PLEC: variants seen among roughly 807,000 people sequenced by gnomAD.
The protein encoded by PLEC is plectin, also known as hemidesmosomal protein 1.
A neutral mutation model predicts 392.8 loss-of-function variants in PLEC; 216 were observed. That is an observed-to-expected ratio of 0.55 (90% CI 0.49 to 0.62). The LOEUF is 0.62. PLEC is among the 20% of genes least tolerant of loss of function. The pLI is 0.00. For synonymous variants in PLEC, 3,621 were observed against 2,980.6 expected, an observed-to-expected ratio of 1.21 and a Z score of -7.00; for missense variants, 6,863 against 6,563.4, an observed-to-expected ratio of 1.05 and a Z score of -1.58.
At chr8:143,972,447 C>T (rs1355219958) in intron 1 of PLEC, among the ~76,000 whole-genome samples, 4 of 152,192 alleles carry the variant, frequency 2.6e-5, no homozygotes, top group South Asian at 2.1e-4. Context: ...GAGATGAGTT[C>T]GGGGCACCAT....
chr8:143,962,895 G>A (rs1397396762), intron 1 of PLEC, among the ~76,000 whole-genome samples: 1 of 152,206 alleles, frequency 6.6e-6, no homozygotes, highest in African/African-American at 2.4e-5. Context: ...AACAGCATGG[G>A]TGATTTGGGA....
chr8:143,925,814 T>A lies in PLEC; in HGVS notation c.4115A>T (p.Gln1372Leu). ...GGCGTGCGCCTCGGCCAGCTGCCGC[T>A]GCTTCTCCAGCGCGGCCTCCACCTC... ...LAEVEAALEK[Q>L]RQLAEAHAQA... The change falls in exon 31 of 32, where the codon CAG becomes CTG. Residue 1372 changes from glutamine to leucine, a missense_variant. Transcript: ENST00000345136. 6.4e-7 allele frequency: 1 copy of A among 1,566,454 alleles called. No individual in the cohort carries two copies. The highest frequency in any genetic ancestry group is 1.1e-5 in the South Asian group (1 of 87,342).
At chr8:143,970,909 C>T (rs1352515416) in intron 1 of PLEC, among the ~76,000 whole-genome samples, 4 of 152,224 alleles carry the variant, frequency 2.6e-5, no homozygotes, top group Non-Finnish European at 5.9e-5. Flanking sequence ...GCCCTCAGCA[C>T]GGAGGCCTCT....
chr8:143,918,218 T>C lies in PLEC; in HGVS notation c.11603A>G (p.Asp3868Gly). 6.4e-7 allele frequency: 1 copy of C among 1,572,578 alleles called. No homozygotes were observed. Among genetic ancestry groups the C allele is most frequent in the South Asian group, 1.1e-5 (1 of 88,398 alleles). ...TGGCAGGAGCAGCTGGCCGGTGCCG[T>C]CGTCACGACGGCACCGCCTGAGCAG... is the stretch of plus-strand genomic sequence containing the variant. ...TQLLRRCRRD[D>G]GTGQLLLPLS... Residue 3868 changes from aspartate (D) to glycine (G), a missense_variant, in exon 32 of 32, where the codon GAC becomes GGC. Asp to Gly is a moderately conservative substitution (Grantham distance 94, BLOSUM62 -1). Transcript: ENST00000345136.
chr8:143,958,568 GT>G (rs1832716088), upstream of PLEC: 1 of 408,982 alleles, frequency 2.4e-6, no homozygotes, highest in Non-Finnish European at 5.1e-6. The surrounding 1 kb of genome is among the most constrained non-coding windows in gnomAD (Gnocchi z 4.9). Context: ...CTCAAAGACA[GT>G]GGTAGCCTCC....
At chr8:143,949,527 G>A (rs1453121719) in intron 1 of PLEC, among the ~76,000 whole-genome samples, 3 of 152,142 alleles carry the variant, frequency 2.0e-5, no homozygotes, top group East Asian at 1.9e-4. Flanking sequence ...GACCTGGTTC[G>A]TACCGGGAAA....
rs782674838 is a variant in PLEC at position 143,934,015 on chromosome 8, C to A, written c.1246G>T (p.Asp416Tyr). The change falls in exon 12 of 32, where the codon GAC (aspartate) becomes TAC (tyrosine). Residue 416 changes from aspartate (D) to tyrosine (Y), a missense_variant. Coordinates refer to ENST00000345136, the MANE Select transcript of PLEC (RefSeq NM_201384.3). ...GLCEEQLNQADALLQSDVRLL... is the reference protein window; with the variant it reads ...GLCEEQLNQAYALLQSDVRLL... Reference sequence around the variant, plus strand: ...CCCCTCACCGACTGCAGCAGGGCGTCGGCCTGGTTCAGCTGCTCCTCACAC... The same window carrying A: ...CCCCTCACCGACTGCAGCAGGGCGTAGGCCTGGTTCAGCTGCTCCTCACAC... The A allele has an allele frequency of 8.1e-6, 13 of 1,610,614 alleles. No homozygotes were observed. Among genetic ancestry groups the A allele is most frequent in the Non-Finnish European group, 1.0e-5 (12 of 1,179,064 alleles).
chr8:143,931,023 C>T (rs1177575178), intron 19 of PLEC, among the ~76,000 whole-genome samples: 1 of 152,212 alleles, frequency 6.6e-6, no homozygotes, highest in South Asian at 2.1e-4. Flanking sequence ...TGATCCCACC[C>T]CTGCTCCCAG....
In PLEC at chr8:143,927,224, G is replaced by A. The variant is rs544105765; in HGVS notation, c.3840+28C>T. 6 of 1,606,644 alleles carry A rather than the reference G, an allele frequency of 3.7e-6. No homozygotes were observed. The South Asian group carries it at 6.6e-5, about 18-fold the overall frequency. On this transcript the variant is annotated intron_variant, in intron 28 of 31. Coordinates refer to ENST00000345136, the MANE Select transcript of PLEC (RefSeq NM_201384.3). ...CATCCTGGCAACGGTCCCGGACTTGGGGCCTGGTGCAGGCGGCTGGGCCTC... is the reference window on the plus strand; with the variant it reads ...CATCCTGGCAACGGTCCCGGACTTGAGGCCTGGTGCAGGCGGCTGGGCCTC...
rs782300624 is a variant in PLEC at position 143,939,385 on chromosome 8, T to C, written c.77A>G (p.Tyr26Cys). 69 of 1,612,602 alleles carry C rather than the reference T, an allele frequency of 4.3e-5. No homozygotes were observed. Among genetic ancestry groups the C allele is most frequent in the Non-Finnish European group, 5.8e-5 (68 of 1,179,778 alleles). Residue 26 changes from tyrosine to cysteine, a missense_variant, in exon 1 of 32, where the codon TAC (tyrosine) becomes TGC (cysteine). Transcript: ENST00000345136. ...RKRTSSEDNL[Y>C]LAVLRASEGK... ...CTCAGAGGCCCTGAGCACAGCCAGG[T>C]ACAGGTTGTCCTCCGAGCTGGTTCT... is the stretch of plus-strand genomic sequence containing the variant.
Position 143,935,089 on chromosome 8 carries a change from C to T in PLEC, c.747G>A (p.Lys249=), listed in dbSNP as rs2132076856. The part of the protein sequence containing the change: ...EDVDVPQPDE[K]SIITYVSSLY... Reference sequence around the variant, plus strand: ...GCGACGAGACGTAGGTGATGATGGACTTCTCGTCGGGCTGAGGGACATCCA... The same window carrying T: ...GCGACGAGACGTAGGTGATGATGGATTTCTCGTCGGGCTGAGGGACATCCA... Residue 249 remains lysine, a synonymous_variant, in exon 8 of 32, where the codon AAG becomes AAA. Coordinates refer to ENST00000345136, the MANE Select transcript of PLEC (RefSeq NM_201384.3). 1 of 1,612,978 alleles carries T rather than the reference C, an allele frequency of 6.2e-7. No homozygotes were observed.
At chr8:143,960,589 C>T (rs1449239046) in intron 1 of PLEC, among the ~76,000 whole-genome samples, 1 of 152,028 alleles carries the variant, frequency 6.6e-6, no homozygotes, top group Non-Finnish European at 1.5e-5. Flanking sequence ...TGCACTCCAG[C>T]CTGGGTGATA....
At chr8:143,948,214 C>T (rs1187999215) in intron 1 of PLEC, among the ~76,000 whole-genome samples, 2 of 152,226 alleles carry the variant, frequency 1.3e-5, no homozygotes, top group Non-Finnish European at 2.9e-5. Context: ...GCTCCCTAGC[C>T]AGGGCTGGGT....
chr8:143,965,718 A>G (rs1833054254), intron 1 of PLEC, among the ~76,000 whole-genome samples: 1 of 152,104 alleles, frequency 6.6e-6, no homozygotes, highest in Non-Finnish European at 1.5e-5. Context: ...ACACCCTCCC[A>G]ACAGCCCAAC....
chr8:143,968,792 A>G (rs1833256151), intron 1 of PLEC, among the ~76,000 whole-genome samples: 1 of 152,226 alleles, frequency 6.6e-6, no homozygotes, highest in Non-Finnish European at 1.5e-5. Flanking sequence ...TCAAACCACA[A>G]TGAGATTCCA....
chr8:143,962,536 A>G (rs904206331), intron 1 of PLEC, among the ~76,000 whole-genome samples: 5 of 152,204 alleles, frequency 3.3e-5, no homozygotes, highest in African/African-American at 4.8e-5. Flanking sequence ...TGGCTTTGCA[A>G]TTGGGTAATA....
At chr8:143,926,150 G>A (rs1471873981) in intron 30 of PLEC, among the ~76,000 whole-genome samples, 2 of 152,218 alleles carry the variant, frequency 1.3e-5, no homozygotes, top group Non-Finnish European at 2.9e-5. Context: ...GGAGACAGAC[G>A]GACGGGGAGA....
At chr8:143,950,439 G>T in exon 1 of PLEC, 1 of 1,602,122 alleles carries the variant, frequency 6.2e-7, no homozygotes, top group Non-Finnish European at 8.5e-7. Context: ...ACGATCTCTG[G>T]CGGCAGGTGC....
At position 143,921,039 on chromosome 8, in the gene PLEC, T is replaced by C. The variant is rs964749423; in HGVS notation, c.8782A>G (p.Ile2928Val). ...QGKTVTIWEI[I>V]NSEYFTAEQR... ...TCTGCCGTGAAGTATTCCGAGTTGA[T>C]GATCTCCCAAATGGTCACCGTCTTG... Residue 2928 changes from isoleucine to valine, a missense_variant, in exon 32 of 32, where the codon ATC (isoleucine) becomes GTC (valine). Ile to Val is a conservative substitution (Grantham distance 29, BLOSUM62 3). Transcript: ENST00000345136. 1 of 1,612,810 alleles carries C rather than the reference T, an allele frequency of 6.2e-7. No homozygotes were observed. Among genetic ancestry groups the C allele is most frequent in the African/African-American group, 1.3e-5 (1 of 75,064 alleles).
Sources: allele counts gnomAD v4.1 joint callset (sites outside exome capture counted in the v4.1 genomes callset), GRCh38; gene constraint gnomAD v4.1.1; non-coding constraint Gnocchi (gnomAD v3.1); transcripts MANE v1.5; gene names NCBI Gene and HGNC (gene_info 2026-07-23, HGNC 2026-07-21).